The following ENTREP2 variants were observed in gnomAD, a reference collection of about 807,000 sequenced individuals.
ENTREP2 encodes the protein protein ENTREP2.
At chr15:29,384,877 C>T in the ENTREP2 span, among the ~76,000 whole-genome samples, 40 of 152,332 alleles carry the variant, frequency 2.6e-4, no homozygotes, top group African/African-American at 9.6e-4. Context: ...AAAGTGTCTT[C>T]CATTTTTCCA....
At chr15:29,206,683 T>G in the ENTREP2 span, among the ~76,000 whole-genome samples, 1 of 152,128 alleles carries the variant, frequency 6.6e-6, no homozygotes, top group African/African-American at 2.4e-5. Context: ...TATGGTATGT[T>G]TTTTTGAGGT....
At chr15:29,570,412 C>A in the ENTREP2 span, 1 of 859,076 alleles carries the variant, frequency 1.2e-6, no homozygotes, top group Non-Finnish European at 1.5e-6. Flanking sequence ...CCGGAACTTG[C>A]CGCCCGCGGT....
the ENTREP2 span, among the ~76,000 whole-genome samples, chr15:29,674,832 C>T: frequency 6.6e-6 from 1 of 152,084 alleles, no homozygotes; most frequent in African/African-American, 2.4e-5. Flanking sequence ...TTCCCCGCTG[C>T]CTCCGCCTCT....
chr15:29,200,211 T>G, the ENTREP2 span, among the ~76,000 whole-genome samples: 1 of 152,156 alleles, frequency 6.6e-6, no homozygotes, highest in South Asian at 2.1e-4. Context: ...GGTCTTGCTC[T>G]GTCACCCAGG....
the ENTREP2 span, among the ~76,000 whole-genome samples, chr15:29,562,983 G>A: frequency 2.0e-5 from 3 of 151,996 alleles, no homozygotes; most frequent in Non-Finnish European, 4.4e-5. Context: ...GTAGAAACAG[G>A]GTTTTGCCAC....
chr15:29,246,523 C>T, the ENTREP2 span, among the ~76,000 whole-genome samples: 6 of 151,760 alleles, frequency 4.0e-5, no homozygotes, highest in African/African-American at 9.7e-5. Context: ...AGTGAAACTC[C>T]ATCTCTACAA....
At chr15:29,644,586 T>A in the ENTREP2 span, among the ~76,000 whole-genome samples, 1 of 152,064 alleles carries the variant, frequency 6.6e-6, no homozygotes, top group Non-Finnish European at 1.5e-5. Context: ...GTGGATTGCC[T>A]GAGCTCAGGA....
chr15:29,510,215 G>T, the ENTREP2 span, among the ~76,000 whole-genome samples: 1 of 152,212 alleles, frequency 6.6e-6, no homozygotes, highest in African/African-American at 2.4e-5. Flanking sequence ...TCTCATGCCA[G>T]TTAGAATGGC....
chr15:29,615,163 T>C, the ENTREP2 span, among the ~76,000 whole-genome samples: 4,022 of 151,728 alleles, frequency 0.027, 189 homozygotes, highest in African/African-American at 0.093. Flanking sequence ...TTTTTTCTTT[T>C]TTTTTTTTTT....
At chr15:29,270,646 C>T in the ENTREP2 span, among the ~76,000 whole-genome samples, 14 of 130,084 alleles carry the variant, frequency 1.1e-4, no homozygotes, top group Non-Finnish European at 2.1e-4. Flanking sequence ...AATATATTAG[C>T]TTTGAGGAAA....
At chr15:29,208,028 G>A in the ENTREP2 span, among the ~76,000 whole-genome samples, 1 of 152,106 alleles carries the variant, frequency 6.6e-6, no homozygotes, top group African/African-American at 2.4e-5. Flanking sequence ...TAGCCCCCCT[G>A]TCCCCTGGGG....
the ENTREP2 span, among the ~76,000 whole-genome samples, chr15:29,666,211 G>A: frequency 2.6e-5 from 4 of 151,926 alleles, no homozygotes; most frequent in African/African-American, 9.7e-5. Flanking sequence ...TCTAATCAGC[G>A]TTTCAAAGGT....
the ENTREP2 span, among the ~76,000 whole-genome samples, chr15:29,634,696 A>G: frequency 6.6e-6 from 1 of 152,158 alleles, no homozygotes; most frequent in East Asian, 1.9e-4. Flanking sequence ...TACCAGCAAC[A>G]AGTCCGGGGC....
the ENTREP2 span, among the ~76,000 whole-genome samples, chr15:29,402,070 T>C: frequency 6.6e-6 from 1 of 152,146 alleles, no homozygotes; most frequent in Non-Finnish European, 1.5e-5. Context: ...ATGTATTATG[T>C]TAAGCATATT....
chr15:29,128,419 G>A, the ENTREP2 span, among the ~76,000 whole-genome samples: 3 of 152,138 alleles, frequency 2.0e-5, no homozygotes, highest in South Asian at 4.1e-4. Flanking sequence ...GGGAGGTGCC[G>A]TGTGGACATT....
At chr15:29,227,606 G>A in the ENTREP2 span, among the ~76,000 whole-genome samples, 2 of 152,102 alleles carry the variant, frequency 1.3e-5, no homozygotes, top group East Asian at 3.9e-4. Flanking sequence ...CCCTCCTGCT[G>A]TCATGAGGCT....
chr15:29,252,548 A>G, the ENTREP2 span: 1 of 809,726 alleles, frequency 1.2e-6, no homozygotes, highest in Non-Finnish European at 2.0e-6. Context: ...ACATGGCTTT[A>G]CAACAGCTTT....
At chr15:29,234,720 G>T in the ENTREP2 span, 1 of 1,516,174 alleles carries the variant, frequency 6.6e-7, no homozygotes, top group South Asian at 1.1e-5. Flanking sequence ...GTTCCATTGT[G>T]GCAAGTAAAT....
chr15:29,244,544 C>T, the ENTREP2 span, among the ~76,000 whole-genome samples: 22 of 152,296 alleles, frequency 1.4e-4, no homozygotes, highest in African/African-American at 4.8e-4. Context: ...GACACTGCAG[C>T]GTTGAGATGG....
Sources: allele counts gnomAD v4.1 joint callset (sites outside exome capture counted in the v4.1 genomes callset), GRCh38; gene constraint gnomAD v4.1.1; transcripts MANE v1.5; gene names NCBI Gene and HGNC (gene_info 2026-07-23, HGNC 2026-07-21).